Variants in ARHGEF28 observed in about 807,000 individuals in gnomAD.
The protein encoded by ARHGEF28 is 190 kDa guanine nucleotide exchange factor.
A neutral mutation model predicts 206.6 loss-of-function variants in ARHGEF28; 152 were observed. The observed-to-expected ratio is 0.74, with a 90% CI of 0.64 to 0.84. ARHGEF28 has a LOEUF of 0.84. Ranked by LOEUF, ARHGEF28 falls within the 40% of genes least tolerant of loss-of-function variation. The pLI is 0.00. For missense variants in ARHGEF28, 2,028 were observed against 2,073.2 expected (o/e 0.98, Z 0.42); for synonymous variants, 763 against 776.4 (o/e 0.98, Z 0.29).
chr5:73,802,870 CTGTGTGTGTGTGTGTG>C (rs561505395), intron 9 of ARHGEF28, among the ~76,000 whole-genome samples: 38 of 122,224 alleles, frequency 3.1e-4, no homozygotes, highest in South Asian at 5.9e-4. Context: ...AGCTCGATTG[CTGTGTGTGTGTGTGTG>C]TGTGTGTGTG....
At chr5:73,836,069 T>G (rs1197688666) in intron 10 of ARHGEF28, among the ~76,000 whole-genome samples, 3 of 152,200 alleles carry the variant, frequency 2.0e-5, no homozygotes, top group Admixed American at 2.0e-4. Context: ...CTTAGGTTGA[T>G]TCCATCTCTT....
chr5:73,704,813 C>T (rs1748838027), intron 2 of ARHGEF28, among the ~76,000 whole-genome samples: 1 of 152,110 alleles, frequency 6.6e-6, no homozygotes, highest in South Asian at 2.1e-4. Flanking sequence ...AGTTGTTAAA[C>T]CTCTTTGGTT....
intron 2 of ARHGEF28, among the ~76,000 whole-genome samples, chr5:73,733,822 C>T (rs1168403576): frequency 3.3e-5 from 5 of 152,034 alleles, no homozygotes; most frequent in Non-Finnish European, 7.4e-5. Context: ...GTAACTGGCT[C>T]ACAGTTCTGT....
At chr5:73,678,964 C>G (rs1746886995) in intron 1 of ARHGEF28, among the ~76,000 whole-genome samples, 2 of 152,232 alleles carry the variant, frequency 1.3e-5, no homozygotes, top group African/African-American at 4.8e-5. Context: ...TCATACCTCA[C>G]TGTAGCCTAC....
At chr5:73,861,819 A>T (rs72772541) in intron 16 of ARHGEF28, among the ~76,000 whole-genome samples, 5 of 150,668 alleles carry the variant, frequency 3.3e-5, no homozygotes, top group African/African-American at 1.0e-4. Context: ...TCTTTTACCC[A>T]CAACTTTTTT....
At chr5:73,694,874 C>T (rs191468960) in intron 2 of ARHGEF28, among the ~76,000 whole-genome samples, 5 of 152,364 alleles carry the variant, frequency 3.3e-5, no homozygotes, top group African/African-American at 1.2e-4. Context: ...CAAGGTCTCA[C>T]GTCCCTGCTC....
intron 2 of ARHGEF28, among the ~76,000 whole-genome samples, chr5:73,702,692 C>T (rs1220401806): frequency 1.3e-5 from 2 of 152,168 alleles, no homozygotes; most frequent in African/African-American, 4.8e-5. Context: ...CCCGTTTTTG[C>T]CAACACTTTT....
intron 24 of ARHGEF28, 134 bp downstream of exon 24, chr5:73,884,018 C>T (rs2112668594): frequency 2.2e-6 from 1 of 461,888 alleles, no homozygotes. Context: ...CTGTTAAAGC[C>T]TTAGAATTTG....
intron 9 of ARHGEF28, among the ~76,000 whole-genome samples, chr5:73,819,471 C>T (rs780533716): frequency 2.0e-5 from 3 of 152,162 alleles, no homozygotes; most frequent in Non-Finnish European, 4.4e-5. Flanking sequence ...CATAGCCAAT[C>T]GGAATCCTTC....
chr5:73,773,306 C>G (rs1267289264), intron 4 of ARHGEF28, among the ~76,000 whole-genome samples: 3 of 152,132 alleles, frequency 2.0e-5, no homozygotes, highest in Non-Finnish European at 2.9e-5. Context: ...GACATAATCT[C>G]AGGGATTTAG....
At chr5:73,634,750 T>C (rs1452895504) in intron 1 of ARHGEF28, among the ~76,000 whole-genome samples, 1 of 152,242 alleles carries the variant, frequency 6.6e-6, no homozygotes, top group Non-Finnish European at 1.5e-5. Context: ...CACTTAGAGA[T>C]GTTCTTTCTC....
intron 10 of ARHGEF28, among the ~76,000 whole-genome samples, chr5:73,837,495 T>A (rs945914488): frequency 1.3e-5 from 2 of 152,118 alleles, no homozygotes; most frequent in Non-Finnish European, 2.9e-5. Context: ...AGCCCTTATT[T>A]TTTTTGTTCT....
At chr5:73,912,421 G>T (rs1762958711) in intron 35 of ARHGEF28, among the ~76,000 whole-genome samples, 2 of 152,176 alleles carry the variant, frequency 1.3e-5, no homozygotes, top group South Asian at 4.1e-4. Context: ...TTGTTTCTAT[G>T]CTTAATATAT....
chr5:73,706,459 A>T (rs1580507959), intron 2 of ARHGEF28, among the ~76,000 whole-genome samples: 1 of 152,114 alleles, frequency 6.6e-6, no homozygotes, highest in East Asian at 1.9e-4. Context: ...GAAAAAAAAA[A>T]GAGTCTATTG....
chr5:73,806,719 A>C (rs951597600), intron 9 of ARHGEF28, among the ~76,000 whole-genome samples: 17 of 130,934 alleles, frequency 1.3e-4, no homozygotes, highest in African/African-American at 5.1e-4. Context: ...CATATATACG[A>C]TATATCGTAT....
Position 73,911,317 on chromosome 5 carries a change from T to G in ARHGEF28, c.4690T>G (p.Ser1564Ala). 1 of 1,608,224 alleles carries G rather than the reference T, an allele frequency of 6.2e-7. No homozygotes were observed. Reference sequence around the variant, plus strand: ...ATCTGAGAGTTTATGTCATGAAAACTCATTCTTCATCAATGAAGCTTTAGT... The same window carrying G: ...ATCTGAGAGTTTATGTCATGAAAACGCATTCTTCATCAATGAAGCTTTAGT... ...NRSESLCHEN[S>A]FFINEALVQM... The change falls in exon 35 of 36, where the codon TCA (serine) becomes GCA (alanine). Residue 1564 changes from serine (S) to alanine (A), a missense_variant. Physicochemically the swap from Ser to Ala is moderately conservative, Grantham distance 99. Coordinates refer to ENST00000513042, the MANE Select transcript of ARHGEF28 (RefSeq NM_001177693.2).
At chr5:73,688,297 A>G (rs1421214224) in intron 2 of ARHGEF28, among the ~76,000 whole-genome samples, 1 of 149,084 alleles carries the variant, frequency 6.7e-6, no homozygotes, top group African/African-American at 2.6e-5. Flanking sequence ...CCACCTCTCA[A>G]AAAAGGGCAC....
intron 2 of ARHGEF28, among the ~76,000 whole-genome samples, chr5:73,721,768 C>G (rs953640074): frequency 5.9e-5 from 9 of 152,078 alleles, no homozygotes; most frequent in Non-Finnish European, 1.0e-4. Flanking sequence ...TGAGAATTGC[C>G]CTAGAGGTTT....
At chr5:73,637,387 G>A (rs1743792278) in intron 1 of ARHGEF28, among the ~76,000 whole-genome samples, 1 of 152,126 alleles carries the variant, frequency 6.6e-6, no homozygotes, top group Admixed American at 6.5e-5. Flanking sequence ...CTCAAAAAGA[G>A]ATAGCAAATC....
Sources: gnomAD v4.1 joint callset for allele counts (sites outside exome capture counted in the v4.1 genomes callset) on GRCh38, gnomAD v4.1.1 for gene constraint, MANE v1.5 for transcripts, NCBI Gene and HGNC (gene_info 2026-07-23, HGNC 2026-07-21) for gene names.